The following EIF4G3 variants were observed in gnomAD, a reference collection of about 807,000 sequenced individuals.
The protein encoded by EIF4G3 is eukaryotic translation initiation factor 4 gamma 3.
In EIF4G3, 34 loss-of-function variants were observed where a neutral mutation model predicts 186.4. That is an observed-to-expected ratio of 0.18 (90% confidence interval 0.14 to 0.24). The LOEUF is 0.24. Ranked by LOEUF, EIF4G3 falls within the 10% of genes least tolerant of loss-of-function variation. The pLI is 1.00. For synonymous variants in EIF4G3, 673 were observed against 679.5 expected (o/e 0.99, Z 0.15); for missense variants, 1,536 against 1,948.5 (o/e 0.79, Z 3.99).
At chr1:21,105,686 C>T (rs185854478) in intron 2 of EIF4G3, among the ~76,000 whole-genome samples, 348 of 152,094 alleles carry the variant, frequency 2.3e-3, no homozygotes, top group Non-Finnish European at 3.8e-3. Flanking sequence ...ATAAGCCCAT[C>T]CTATGAAGAG....
At chr1:21,108,775 T>C (rs1248035972) in intron 2 of EIF4G3, among the ~76,000 whole-genome samples, 3 of 151,652 alleles carry the variant, frequency 2.0e-5, no homozygotes, top group Non-Finnish European at 4.4e-5. Flanking sequence ...TGGTGACACA[T>C]GCCTGTAATC....
chr1:21,023,994 C>T (rs1482197033), intron 4 of EIF4G3, among the ~76,000 whole-genome samples: 1 of 146,642 alleles, frequency 6.8e-6, no homozygotes, highest in Non-Finnish European at 1.5e-5. Context: ...GCCGCCCAGT[C>T]TGAGAAGTGA....
chr1:20,937,542 G>A (rs2095556203), intron 14 of EIF4G3, among the ~76,000 whole-genome samples: 1 of 151,976 alleles, frequency 6.6e-6, no homozygotes. Flanking sequence ...TGTACTATAA[G>A]CAAGAGCCAA....
intron 2 of EIF4G3, among the ~76,000 whole-genome samples, chr1:21,145,790 C>T (rs1558175154): frequency 6.6e-6 from 1 of 152,166 alleles, no homozygotes; most frequent in East Asian, 1.9e-4. Flanking sequence ...CTAAAAATTA[C>T]AGTAAATGGG....
intron 3 of EIF4G3, among the ~76,000 whole-genome samples, chr1:21,070,287 A>G (rs1337677483): frequency 6.6e-6 from 1 of 152,164 alleles, no homozygotes; most frequent in African/African-American, 2.4e-5. Flanking sequence ...ATGTATAAAC[A>G]TGATTTTTGT....
At chr1:20,939,546 A>T (rs1573182445) in intron 14 of EIF4G3, among the ~76,000 whole-genome samples, 4 of 152,222 alleles carry the variant, frequency 2.6e-5, no homozygotes, top group Admixed American at 6.5e-5. Flanking sequence ...TGTTTAAAAA[A>T]AGAATATATG....
At chr1:20,899,147 G>GT (rs1274101688) in intron 16 of EIF4G3, among the ~76,000 whole-genome samples, 1 of 152,070 alleles carries the variant, frequency 6.6e-6, no homozygotes, top group Non-Finnish European at 1.5e-5. Context: ...GCATTTGATG[G>GT]TATCTGAAGA....
intron 12 of EIF4G3, among the ~76,000 whole-genome samples, chr1:20,968,055 G>T (rs767200862): frequency 2.6e-5 from 4 of 152,112 alleles, no homozygotes; most frequent in Non-Finnish European, 5.9e-5. Context: ...TGGGACTATC[G>T]GCATGTGCCA....
chr1:20,919,438 C>T (rs908838840), intron 14 of EIF4G3, among the ~76,000 whole-genome samples: 1 of 152,138 alleles, frequency 6.6e-6, no homozygotes, highest in African/African-American at 2.4e-5. Flanking sequence ...CTACTGGGCT[C>T]AACCAATCCA....
intron 27 of EIF4G3, among the ~76,000 whole-genome samples, chr1:20,852,921 G>A (rs1235384788): frequency 6.6e-6 from 1 of 151,906 alleles, no homozygotes. Context: ...CATCGCTTGA[G>A]ACCAGGAGTT....
intron 14 of EIF4G3, among the ~76,000 whole-genome samples, chr1:20,926,695 A>G (rs945558394): frequency 1.3e-5 from 2 of 151,290 alleles, no homozygotes; most frequent in African/African-American, 4.8e-5. Context: ...AAAAAAAAAA[A>G]CTACAATTTT....
At position 20,941,906 on chromosome 1, in the gene EIF4G3, A is replaced by T; in HGVS notation, c.1248T>A (p.Asn416Lys). ...VSSTNLINEINGVSEKLSATE... is the reference protein window; with the variant it reads ...VSSTNLINEIKGVSEKLSATE... ...TGGCTGATAATTTTTCGCTAACTCC[A>T]TTTATTTCATTAATTAGGTTAGTAC... The change falls in exon 14 of 37, where the codon AAT becomes AAA. Residue 416 changes from asparagine to lysine, a missense_variant. By Grantham distance (94) the Asn-to-Lys change is moderately conservative. Coordinates refer to ENST00000602326, the MANE Select transcript of EIF4G3 (RefSeq NM_001391906.1). The T allele has an allele frequency of 6.2e-7, 1 of 1,614,180 alleles. No homozygotes were observed. The highest frequency in any genetic ancestry group is 1.3e-5 in the African/African-American group (1 of 75,056).
At chr1:21,171,529 G>A (rs999954221) in intron 2 of EIF4G3, among the ~76,000 whole-genome samples, 4 of 152,162 alleles carry the variant, frequency 2.6e-5, no homozygotes, top group Non-Finnish European at 4.4e-5. Flanking sequence ...TAGCTTATAT[G>A]AGCAAACTGC....
At chr1:20,925,107 A>ATG (rs1377923151) in intron 14 of EIF4G3, among the ~76,000 whole-genome samples, 3 of 152,230 alleles carry the variant, frequency 2.0e-5, no homozygotes, top group African/African-American at 7.2e-5. Flanking sequence ...AAGCACATAT[A>ATG]TGTGTGCATT....
chr1:21,125,992 C>T (rs1481358230), intron 2 of EIF4G3, among the ~76,000 whole-genome samples: 12 of 150,890 alleles, frequency 8.0e-5, no homozygotes, highest in African/African-American at 2.7e-4. Flanking sequence ...TCACTTGAGT[C>T]CAGGAGTTTG....
intron 4 of EIF4G3, among the ~76,000 whole-genome samples, chr1:21,046,162 T>C (rs2093874455): frequency 6.6e-6 from 1 of 152,224 alleles, no homozygotes; most frequent in African/African-American, 2.4e-5. Flanking sequence ...ACAGACATGC[T>C]GGGTTTCAAG....
At chr1:20,936,638 TTAATC>T (rs1428585521) in intron 14 of EIF4G3, among the ~76,000 whole-genome samples, 3 of 151,944 alleles carry the variant, frequency 2.0e-5, no homozygotes, top group South Asian at 2.1e-4. Context: ...CATTTTTAGT[TTAATC>T]TAGGAAAACT....
chr1:21,022,588 A>G (rs1043131338), intron 4 of EIF4G3, among the ~76,000 whole-genome samples: 5 of 152,188 alleles, frequency 3.3e-5, no homozygotes, highest in African/African-American at 4.8e-5. Flanking sequence ...CTTTCCCTCA[A>G]TAACACCAAC....
intron 7 of EIF4G3, among the ~76,000 whole-genome samples, chr1:20,990,192 T>TA (rs1027243922): frequency 9.3e-5 from 14 of 150,632 alleles, no homozygotes; most frequent in African/African-American, 3.2e-4. Context: ...ACAAATAAAT[T>TA]AAAAAAAAGA....
Sources: gnomAD v4.1 joint callset for allele counts (sites outside exome capture counted in the v4.1 genomes callset) on GRCh38, gnomAD v4.1.1 for gene constraint, MANE v1.5 for transcripts, NCBI Gene and HGNC (gene_info 2026-07-23, HGNC 2026-07-21) for gene names.